SDK2: variants seen among roughly 807,000 people sequenced by gnomAD.
SDK2 encodes protein sidekick-2.
In SDK2, 105 loss-of-function variants were observed where a neutral mutation model predicts 253.9. The observed-to-expected ratio is 0.41, with a 90% confidence interval of 0.35 to 0.49. SDK2 has a LOEUF of 0.49. Ranked by LOEUF, SDK2 falls within the 20% of genes least tolerant of loss-of-function variation. The probability of loss-of-function intolerance (pLI) is 0.06; values close to 1 mark genes in which losing one functional copy is unlikely to be tolerated. For synonymous variants in SDK2, 1,249 were observed against 1,234.9 expected (o/e 1.01, Z -0.24); for missense variants, 2,608 against 3,003.0 (o/e 0.87, Z 3.07).
At chr17:73,533,594 T>C (rs2145807649) in intron 1 of SDK2, among the ~76,000 whole-genome samples, 2 of 152,138 alleles carry the variant, frequency 1.3e-5, no homozygotes, top group South Asian at 2.1e-4. Flanking sequence ...AAGACTCAGG[T>C]TCCAAAACGC....
chr17:73,368,128 G>A (rs1204504202), intron 37 of SDK2, among the ~76,000 whole-genome samples: 2 of 152,168 alleles, frequency 1.3e-5, no homozygotes, highest in Admixed American at 6.5e-5. Flanking sequence ...GGAGGGGCTG[G>A]GGGTGCTGAC....
intron 1 of SDK2, among the ~76,000 whole-genome samples, chr17:73,532,049 G>T (rs531862388): frequency 6.6e-6 from 1 of 152,254 alleles, no homozygotes; most frequent in Non-Finnish European, 1.5e-5. Context: ...GTTCTCAAGG[G>T]GGGGTCATTC....
chr17:73,418,870 C>G (rs1045338765), intron 16 of SDK2, among the ~76,000 whole-genome samples: 1 of 152,174 alleles, frequency 6.6e-6, no homozygotes, highest in African/African-American at 2.4e-5. Flanking sequence ...AGCGTTGCCC[C>G]TTGGAAAGTT....
chr17:73,625,633 T>C (rs1207860272), intron 1 of SDK2, among the ~76,000 whole-genome samples: 1 of 152,148 alleles, frequency 6.6e-6, no homozygotes, highest in Admixed American at 6.5e-5. Context: ...CACATTTTCT[T>C]TTCTTTTTTC....
chr17:73,563,758 C>G (rs147296217), intron 1 of SDK2, among the ~76,000 whole-genome samples: 2 of 151,632 alleles, frequency 1.3e-5, no homozygotes, highest in East Asian at 3.9e-4. Flanking sequence ...CTAGGTGAGT[C>G]TTCTTTTTTC....
At chr17:73,523,101 A>C (rs2064095887) in intron 1 of SDK2, among the ~76,000 whole-genome samples, 1 of 152,204 alleles carries the variant, frequency 6.6e-6, no homozygotes, top group Admixed American at 6.5e-5. Context: ...AATTGGAGCT[A>C]GATTTTGATA....
At position 73,368,392 on chromosome 17, in the gene SDK2, G is replaced by T; in HGVS notation, c.5167+15C>A. On this transcript the variant is annotated intron_variant, in intron 37 of 44. Coordinates refer to ENST00000392650, the MANE Select transcript of SDK2 (RefSeq NM_001144952.2). ...GCCGACCTACCCCTCCCCTCCTCAG[G>T]GCCCCCTCTCCCACCTGCTTGCTGG... is the stretch of plus-strand genomic sequence containing the variant. 6.7e-7 allele frequency: 1 copy of T among 1,495,490 alleles called. No homozygotes were observed. The allele number at this position is 1,495,490 out of a possible 1,614,324, so 92.6% of individuals were successfully genotyped here.
At chr17:73,428,766 C>T (rs2063303826) in intron 12 of SDK2, among the ~76,000 whole-genome samples, 1 of 152,080 alleles carries the variant, frequency 6.6e-6, no homozygotes. Context: ...GTCCCCGTCC[C>T]CCCAGTCCAA....
intron 2 of SDK2, among the ~76,000 whole-genome samples, chr17:73,500,947 C>T (rs2063886343): frequency 6.6e-6 from 1 of 152,198 alleles, no homozygotes; most frequent in Admixed American, 6.5e-5. Context: ...CCTGTCCTGT[C>T]ATTTCTCCAG....
intron 40 of SDK2, among the ~76,000 whole-genome samples, chr17:73,353,791 C>A (rs898404682): frequency 3.3e-5 from 5 of 150,642 alleles, no homozygotes; most frequent in African/African-American, 1.2e-4. Flanking sequence ...ACAACCTCCG[C>A]CTCCCAGGTT....
intron 1 of SDK2, among the ~76,000 whole-genome samples, chr17:73,567,265 A>G (rs561983085): frequency 1.0e-4 from 16 of 152,398 alleles, no homozygotes; most frequent in African/African-American, 3.1e-4. Context: ...GGCATACGCC[A>G]TAAGACTTGG....
At chr17:73,527,966 C>A (rs533998736) in intron 1 of SDK2, among the ~76,000 whole-genome samples, 2 of 151,850 alleles carry the variant, frequency 1.3e-5, no homozygotes, top group African/African-American at 2.4e-5. Flanking sequence ...ACCAAGAAGA[C>A]CTGTGTTAGA....
intron 1 of SDK2, among the ~76,000 whole-genome samples, chr17:73,546,675 C>T (rs982054616): frequency 2.0e-5 from 3 of 152,214 alleles, no homozygotes; most frequent in Non-Finnish European, 2.9e-5. Context: ...GGGGAGACCT[C>T]GCTTCCTGTC....
At chr17:73,578,395 C>T (rs939178187) in intron 1 of SDK2, among the ~76,000 whole-genome samples, 1 of 152,138 alleles carries the variant, frequency 6.6e-6, no homozygotes, top group Admixed American at 6.5e-5. Flanking sequence ...CAGTGAGGCT[C>T]ATTTTGGACC....
intron 1 of SDK2, among the ~76,000 whole-genome samples, chr17:73,592,580 T>C (rs1293703922): frequency 1.3e-5 from 2 of 152,182 alleles, no homozygotes; most frequent in Non-Finnish European, 2.9e-5. Context: ...GAAATGTGAC[T>C]GTCTGGAGTC....
At chr17:73,360,911 G>A (rs987153037) in intron 39 of SDK2, among the ~76,000 whole-genome samples, 5 of 150,840 alleles carry the variant, frequency 3.3e-5, no homozygotes, top group African/African-American at 1.2e-4. Context: ...ACTCCAGCCT[G>A]GATGACAGAG....
At chr17:73,401,779 C>CG (rs1471169134) in intron 19 of SDK2, 27 bp from the exon 20 acceptor site, 3 of 1,549,574 alleles carry the variant, frequency 1.9e-6, no homozygotes, top group Admixed American at 1.9e-5. Flanking sequence ...ACCCCCACCC[C>CG]CCAAGGCCAG....
At chr17:73,529,135 C>T (rs1431025972) in intron 1 of SDK2, among the ~76,000 whole-genome samples, 1 of 152,132 alleles carries the variant, frequency 6.6e-6, no homozygotes, top group East Asian at 1.9e-4. Context: ...ATTTCCTTGT[C>T]CAGAAGAAAG....
intron 1 of SDK2, among the ~76,000 whole-genome samples, chr17:73,634,457 C>T (rs570110560): frequency 1.4e-4 from 21 of 152,204 alleles, no homozygotes; most frequent in Non-Finnish European, 2.6e-4. Context: ...GGGTGAAGAG[C>T]AAATGCGATG....
Sources: gnomAD v4.1 joint callset for allele counts (sites outside exome capture counted in the v4.1 genomes callset) on GRCh38, gnomAD v4.1.1 for gene constraint, MANE v1.5 for transcripts, NCBI Gene and HGNC (gene_info 2026-07-23, HGNC 2026-07-21) for gene names.